The following ACTR3C variants were observed in gnomAD, a reference collection of about 807,000 sequenced individuals.
ACTR3C encodes actin related protein 3C, also known as actin-related protein 3C.
A neutral mutation model predicts 26.3 loss-of-function variants in ACTR3C; 18 were observed. The ratio of observed to expected loss-of-function variants is 0.68; its 90% CI spans 0.47 to 1.01. The LOEUF (loss-of-function observed/expected upper bound fraction) is 1.01, where lower values mean the gene tolerates loss of function less well. Among genes scored for constraint, ACTR3C ranks in the 50% least tolerant of loss-of-function variants. The probability of loss-of-function intolerance (pLI) is 0.00; values close to 1 mark genes in which losing one functional copy is unlikely to be tolerated. For synonymous variants in ACTR3C, 55 were observed against 94.5 expected, an observed-to-expected ratio of 0.58 and a Z score of 2.42; for missense variants, 184 against 250.7, an observed-to-expected ratio of 0.73 and a Z score of 1.80.
At chr7:149,994,051 G>C in the ACTR3C span, among the ~76,000 whole-genome samples, 2 of 152,130 alleles carry the variant, frequency 1.3e-5, no homozygotes, top group African/African-American at 4.8e-5. Context: ...AGGGAGCTAG[G>C]GTTGTCTGAC....
the ACTR3C span, among the ~76,000 whole-genome samples, chr7:149,902,930 T>G: frequency 3.8e-5 from 1 of 26,610 alleles, no homozygotes; most frequent in African/African-American, 5.8e-5. Flanking sequence ...TAAAGTACAG[T>G]GTCTCAAAAA....
chr7:150,302,770 G>A (rs569790747), intron 1 of ACTR3C: 4 of 152,046 alleles, frequency 2.6e-5, no homozygotes, highest in East Asian at 3.9e-4. Flanking sequence ...TTATGGCTGT[G>A]GGGCAAGATC....
chr7:150,067,809 G>A, the ACTR3C span, among the ~76,000 whole-genome samples: 1 of 147,946 alleles, frequency 6.8e-6, no homozygotes, highest in African/African-American at 2.5e-5. Flanking sequence ...GGGGGGATGG[G>A]GGATGGGGTC....
At chr7:149,981,935 G>C in the ACTR3C span, among the ~76,000 whole-genome samples, 1 of 152,196 alleles carries the variant, frequency 6.6e-6, no homozygotes, top group Admixed American at 6.5e-5. Flanking sequence ...TTCCTCCACT[G>C]CTGCCTCATG....
the ACTR3C span, among the ~76,000 whole-genome samples, chr7:150,065,412 A>G: frequency 9.1e-4 from 138 of 152,384 alleles, no homozygotes; most frequent in African/African-American, 3.1e-3. Context: ...TCTTAAAGTG[A>G]ACCCATTACA....
chr7:150,022,594 G>T, the ACTR3C span, among the ~76,000 whole-genome samples: 2 of 151,964 alleles, frequency 1.3e-5, no homozygotes, highest in Non-Finnish European at 1.5e-5. Flanking sequence ...GGGAGTAGCC[G>T]GTGTGTCTCT....
chr7:150,254,039 C>T (rs1833035792), intron 6 of ACTR3C, among the ~76,000 whole-genome samples: 1 of 152,100 alleles, frequency 6.6e-6, no homozygotes, highest in South Asian at 2.1e-4. Flanking sequence ...CCCTAATGTT[C>T]TCCACTTAAA....
the ACTR3C span, among the ~76,000 whole-genome samples, chr7:149,999,676 C>G: frequency 2.6e-5 from 4 of 151,564 alleles, no homozygotes; most frequent in Admixed American, 6.6e-5. Flanking sequence ...ACTGACGAGA[C>G]TGCTAGGAGG....
the ACTR3C span, among the ~76,000 whole-genome samples, chr7:150,178,621 A>G: frequency 6.6e-6 from 1 of 150,462 alleles, no homozygotes; most frequent in South Asian, 2.1e-4. Flanking sequence ...ACCCATACAC[A>G]TGTAGTTACC....
chr7:150,039,006 C>G, the ACTR3C span, among the ~76,000 whole-genome samples: 8,063 of 24,548 alleles, frequency 0.33, 2,593 homozygotes, highest in African/African-American at 0.63. Flanking sequence ...AGCCGGGGGG[C>G]GGGGAAGAGG....
chr7:150,092,146 T>A, the ACTR3C span, among the ~76,000 whole-genome samples: 120 of 147,070 alleles, frequency 8.2e-4, 1 homozygote, highest in African/African-American at 2.8e-3. Context: ...TACTTCTACA[T>A]AGAAATGTGT....
chr7:150,113,670 T>A, the ACTR3C span, among the ~76,000 whole-genome samples: 1 of 152,216 alleles, frequency 6.6e-6, no homozygotes, highest in Non-Finnish European at 1.5e-5. Context: ...GCCATAAAAC[T>A]CAGGGGTGTA....
chr7:150,196,790 T>C, the ACTR3C span, among the ~76,000 whole-genome samples: 1 of 152,226 alleles, frequency 6.6e-6, no homozygotes, highest in Non-Finnish European at 1.5e-5. Context: ...ATGTTGAGTG[T>C]ACCACTGGCC....
At chr7:150,036,738 A>T in the ACTR3C span, among the ~76,000 whole-genome samples, 1 of 138,240 alleles carries the variant, frequency 7.2e-6, no homozygotes, top group African/African-American at 2.5e-5. Flanking sequence ...GACCCGTCGG[A>T]TCGTAAATCC....
At chr7:150,225,595 T>C in the ACTR3C span, among the ~76,000 whole-genome samples, 14 of 152,242 alleles carry the variant, frequency 9.2e-5, no homozygotes, top group Non-Finnish European at 1.6e-4. Context: ...GTGTACAGTT[T>C]CTTTTGACTG....
the ACTR3C span, among the ~76,000 whole-genome samples, chr7:149,888,201 C>T: frequency 7.6e-5 from 10 of 132,440 alleles, no homozygotes; most frequent in Non-Finnish European, 1.5e-4. Flanking sequence ...TAGTGACATA[C>T]ACTTTCTTTG....
chr7:150,268,428 T>C (rs1345493203), intron 6 of ACTR3C, among the ~76,000 whole-genome samples: 1 of 131,652 alleles, frequency 7.6e-6, no homozygotes, highest in East Asian at 2.3e-4. Context: ...TGATCTCTAC[T>C]CACTCCTCCC....
the ACTR3C span, among the ~76,000 whole-genome samples, chr7:149,893,336 C>T: frequency 6.6e-6 from 1 of 152,200 alleles, no homozygotes; most frequent in Admixed American, 6.5e-5. Flanking sequence ...GATCAGTCTA[C>T]CAAACTGTAG....
the ACTR3C span, among the ~76,000 whole-genome samples, chr7:149,953,122 G>C: frequency 6.7e-6 from 1 of 148,654 alleles, no homozygotes; most frequent in East Asian, 1.9e-4. Context: ...ATTAAGACAA[G>C]ATAAATGTGT....
Sources: allele counts gnomAD v4.1 joint callset (sites outside exome capture counted in the v4.1 genomes callset), GRCh38; gene constraint gnomAD v4.1.1; transcripts MANE v1.5; gene names NCBI Gene and HGNC (gene_info 2026-07-23, HGNC 2026-07-21).